Variants in TDRD5 observed in about 807,000 individuals in gnomAD.
The protein encoded by TDRD5 is tudor domain-containing protein 5.
TDRD5 carries 41 observed loss-of-function variants against 120.6 expected under a neutral mutation model. That is an observed-to-expected ratio of 0.34 (90% CI 0.26 to 0.44). The LOEUF is 0.44. Ranked by LOEUF, TDRD5 falls within the 20% of genes least tolerant of loss-of-function variation. TDRD5 has a pLI of 1.00. For synonymous variants in TDRD5, 430 were observed against 433.7 expected (o/e 0.99, Z 0.11); for missense variants, 1,006 against 1,221.2 (o/e 0.82, Z 2.63).
intron 17 of TDRD5, among the ~76,000 whole-genome samples, chr1:179,685,083 C>T (rs550658803): frequency 9.9e-5 from 15 of 152,198 alleles, no homozygotes; most frequent in East Asian, 1.9e-4. Context: ...CTTTTGTTGC[C>T]GTTGCTTTGG....
intron 6 of TDRD5, among the ~76,000 whole-genome samples, chr1:179,621,888 A>G (rs1676862460): frequency 6.6e-6 from 1 of 152,200 alleles, no homozygotes; most frequent in Admixed American, 6.5e-5. Context: ...AACATCCAGT[A>G]ATAGATGGAG....
chr1:179,686,360 T>C (rs1344015767), intron 17 of TDRD5, among the ~76,000 whole-genome samples: 1 of 152,248 alleles, frequency 6.6e-6, no homozygotes, highest in Admixed American at 6.5e-5. Flanking sequence ...GATTTGCATA[T>C]GTTGAACCAG....
chr1:179,643,469 T>A (rs1489054204), intron 11 of TDRD5, among the ~76,000 whole-genome samples: 2 of 152,188 alleles, frequency 1.3e-5, no homozygotes, highest in Non-Finnish European at 2.9e-5. Context: ...CTGAGAGATT[T>A]ACTCATCATA....
intron 3 of TDRD5, among the ~76,000 whole-genome samples, chr1:179,594,557 T>G (rs897671020): frequency 6.6e-5 from 10 of 152,252 alleles, no homozygotes; most frequent in Admixed American, 6.5e-4. Flanking sequence ...TATTAAAGGC[T>G]CAAGAGACCA....
chr1:179,668,676 C>G (rs998346607), intron 16 of TDRD5, among the ~76,000 whole-genome samples: 2 of 149,274 alleles, frequency 1.3e-5, no homozygotes, highest in Admixed American at 6.7e-5. Flanking sequence ...ATAAATGTTT[C>G]TTGAATTGAA....
In TDRD5 at chr1:179,593,528, C is replaced by T; in HGVS notation, c.301C>T (p.Arg101Ter). ...AAAACAGAGGAGCAGCCATAAGCTT[C>T]GAAACTCAATGCATAAGGGAAGACC... Reference protein sequence around the residue: ...VAKQRSSHKLRNSMHKGRPSI... With the variant: ...VAKQRSSHKL The change falls in exon 3 of 18, where the codon CGA becomes TGA. Residue 101 changes from arginine to a stop codon, truncating the protein, a stop_gained. Coordinates refer to ENST00000444136, the MANE Select transcript of TDRD5 (RefSeq NM_001199085.3). LOFTEE classifies it high-confidence loss of function. The T allele has an allele frequency of 1.2e-6, 2 of 1,614,166 alleles. No individual in the cohort carries two copies. The highest frequency in any genetic ancestry group is 1.7e-6 in the Non-Finnish European group (2 of 1,180,042).
intron 14 of TDRD5, among the ~76,000 whole-genome samples, chr1:179,655,991 T>C (rs1486494903): frequency 6.6e-6 from 1 of 152,218 alleles, no homozygotes; most frequent in Non-Finnish European, 1.5e-5. Flanking sequence ...GTAAGATTGC[T>C]GGGTCATGTG....
intron 17 of TDRD5, among the ~76,000 whole-genome samples, chr1:179,685,223 A>G (rs1352145338): frequency 6.6e-6 from 1 of 152,186 alleles, no homozygotes; most frequent in Non-Finnish European, 1.5e-5. Context: ...TTTTTGTATA[A>G]GGTGTAAGGA....
intron 16 of TDRD5, among the ~76,000 whole-genome samples, chr1:179,668,273 TG>T (rs749771884): frequency 4.7e-4 from 71 of 152,336 alleles, no homozygotes; most frequent in Admixed American, 1.0e-3. Context: ...ATGCAGCTCT[TG>T]CCTCCTTTCA....
At chr1:179,602,935 G>A (rs180974448) in intron 4 of TDRD5, among the ~76,000 whole-genome samples, 16 of 152,162 alleles carry the variant, frequency 1.1e-4, no homozygotes, top group African/African-American at 3.6e-4. Flanking sequence ...TATTATGATG[G>A]GGATTCCGTT....
At chr1:179,672,380 T>G (rs992643257) in intron 17 of TDRD5, among the ~76,000 whole-genome samples, 4 of 152,198 alleles carry the variant, frequency 2.6e-5, no homozygotes, top group Admixed American at 6.5e-5. Context: ...TGTTGAGCAT[T>G]TTTCCATATG....
At chr1:179,661,851 G>A (rs777956147) in intron 14 of TDRD5, among the ~76,000 whole-genome samples, 5 of 152,054 alleles carry the variant, frequency 3.3e-5, no homozygotes, top group Non-Finnish European at 7.4e-5. Flanking sequence ...CTGCTTAATC[G>A]GTTGTCACTT....
At chr1:179,620,913 A>G (rs1676808417) in intron 5 of TDRD5, 122 bp from the exon 6 acceptor site, 2 of 736,794 alleles carry the variant, frequency 2.7e-6, no homozygotes, top group Non-Finnish European at 4.1e-6. Flanking sequence ...ACAATTTAAT[A>G]TGACTAAAAT....
intron 6 of TDRD5, among the ~76,000 whole-genome samples, chr1:179,623,623 TTC>T (rs1427386076): frequency 5.0e-5 from 5 of 99,696 alleles, no homozygotes; most frequent in Non-Finnish European, 1.0e-4. Flanking sequence ...CTCCAACTCA[TTC>T]TTTTTTTTTT....
Position 179,669,310 on chromosome 1 carries a change from C to T in TDRD5, c.2766C>T (p.Asn922=), listed in dbSNP as rs112165318. 1.2e-6 allele frequency: 2 copies of T among 1,614,166 alleles called. No individual in the cohort carries two copies. The highest frequency in any genetic ancestry group is 1.3e-5 in the African/African-American group (1 of 75,046). The part of the protein sequence containing the change: ...SADGSQSEPN[N]SQTQPKQIQL... ...ACGGGAGCCAGTCTGAACCCAACAA[C>T]AGTCAGACTCAGCCAAAGCAAATTC... Residue 922 remains asparagine, a synonymous_variant, in exon 17 of 18, where the codon AAC becomes AAT. Coordinates refer to ENST00000444136, the MANE Select transcript of TDRD5 (RefSeq NM_001199085.3).
rs1199240504 is a variant in TDRD5, at chr1:179,675,272, TA to T, written c.2860+5869del. Among the ~76,000 whole-genome samples the T allele has an allele frequency of 8.6e-3, 380 of 44,394 alleles. 6 individuals carry two copies. Among genetic ancestry groups the T allele is most frequent in the Non-Finnish European group, 0.015 (285 of 19,242 alleles). The allele number at this position is 44,394 out of a possible 152,430, so 29.1% of individuals were successfully genotyped here. ...AAAGAATTTTTATTATTATTATTAT[TA>T]TTTTTTTTTTTTTTTTTTTTTTTTG... On this transcript the variant is annotated intron_variant, in intron 17 of 17. Coordinates refer to ENST00000444136, the MANE Select transcript of TDRD5 (RefSeq NM_001199085.3).
chr1:179,604,462 T>C (rs1156462042), intron 4 of TDRD5, among the ~76,000 whole-genome samples: 1 of 152,140 alleles, frequency 6.6e-6, no homozygotes, highest in Non-Finnish European at 1.5e-5. Flanking sequence ...CCTTGAGGTA[T>C]GACCTTAGAA....
At chr1:179,622,372 G>T (rs1676886580) in intron 6 of TDRD5, among the ~76,000 whole-genome samples, 1 of 152,116 alleles carries the variant, frequency 6.6e-6, no homozygotes, top group Non-Finnish European at 1.5e-5. Context: ...CTATCATGAT[G>T]CCTGGAACAC....
intron 6 of TDRD5, among the ~76,000 whole-genome samples, chr1:179,621,465 C>T (rs573752715): frequency 1.3e-5 from 2 of 152,114 alleles, no homozygotes; most frequent in East Asian, 3.9e-4. Context: ...GGTATGCACC[C>T]TCAGGGATCC....
Sources: allele counts gnomAD v4.1 joint callset (sites outside exome capture counted in the v4.1 genomes callset), GRCh38; gene constraint gnomAD v4.1.1; transcripts MANE v1.5; gene names NCBI Gene and HGNC (gene_info 2026-07-23, HGNC 2026-07-21).